Variants in USP34 observed in about 807,000 individuals in gnomAD.
USP34 encodes the protein ubiquitin specific peptidase 34, also known as ubiquitin carboxyl-terminal hydrolase 34.
USP34 carries 70 observed loss-of-function variants against 460.3 expected under a neutral mutation model. That is an observed-to-expected ratio of 0.15 (90% confidence interval 0.13 to 0.19). The LOEUF is 0.19. Among genes scored for constraint, USP34 ranks in the 10% least tolerant of loss-of-function variants. The pLI is 1.00. For missense variants in USP34, 3,985 were observed against 4,236.2 expected (o/e 0.94, Z 1.65); for synonymous variants, 1,647 against 1,405.3 (o/e 1.17, Z -3.85).
At chr2:61,336,455 A>G (rs998738261) in intron 18 of USP34, among the ~76,000 whole-genome samples, 2 of 151,626 alleles carry the variant, frequency 1.3e-5, no homozygotes, top group African/African-American at 4.8e-5. Context: ...TTTCCTACCT[A>G]TAAAAGAAGT....
At position 61,350,585 on chromosome 2, in the gene USP34, T is replaced by G. The variant is rs777486730; in HGVS notation, c.1360A>C (p.Ser454Arg). 6.2e-7 allele frequency: 1 copy of G among 1,612,240 alleles called. No individual in the cohort carries two copies. The highest frequency in any genetic ancestry group is 1.7e-5 in the Admixed American group (1 of 59,638). The stretch of plus-strand genomic sequence containing the variant: ...TGTATTACCTGTTCAGTATGAACAC[T>G]TGGCTCAAGAGCTGAGACCAGATTA... ...LLNLVSALEP[S>R]VHTEQTLYLA... is the part of the protein sequence containing the mutation. The change falls in exon 11 of 80, where the codon AGT (serine) becomes CGT (arginine). Residue 454 changes from serine (S) to arginine (R), a missense_variant. Around this residue, in one of 14 missense-constraint regions of USP34, gnomAD observed 716 missense variants for 626.2 expected, o/e 1.14. Transcript: ENST00000398571.
In USP34 at chr2:61,209,629, G is replaced by C. The variant is rs144177569; in HGVS notation, c.8841-652C>G. On this transcript the variant is annotated intron_variant, in intron 69 of 79. Transcript: ENST00000398571. Reference sequence around the variant, plus strand: ...TGTAAGTATACCACAATTATGTACAGTACCTAATACTTGATAATGTTAATA... The same window carrying C: ...TGTAAGTATACCACAATTATGTACACTACCTAATACTTGATAATGTTAATA... Among the ~76,000 whole-genome samples, 711 of 152,326 alleles carry C rather than the reference G, an allele frequency of 4.7e-3. 2 individuals carry two copies. The highest frequency in any genetic ancestry group is 6.4e-3 in the Non-Finnish European group (438 of 68,028).
chr2:61,442,499 T>C (rs1694994533), intron 1 of USP34, among the ~76,000 whole-genome samples: 3 of 149,906 alleles, frequency 2.0e-5, no homozygotes, highest in Admixed American at 6.6e-5. Context: ...CCAACAAATA[T>C]GTGAAAAAAA....
At chr2:61,319,421 A>G (rs925401409) in intron 21 of USP34, 94 bp from the exon 22 acceptor site, 3 of 830,220 alleles carry the variant, frequency 3.6e-6, no homozygotes, top group Admixed American at 7.7e-5. Context: ...GTCCTCACTT[A>G]ACACAGATAG....
intron 15 of USP34, among the ~76,000 whole-genome samples, chr2:61,347,311 G>A (rs559429388): frequency 1.3e-5 from 2 of 152,266 alleles, no homozygotes; most frequent in African/African-American, 4.8e-5. Flanking sequence ...TATTACATGT[G>A]TAAATGGCAT....
At chr2:61,429,157 G>C (rs1167455217) in intron 1 of USP34, among the ~76,000 whole-genome samples, 1 of 151,994 alleles carries the variant, frequency 6.6e-6, no homozygotes, top group Non-Finnish European at 1.5e-5. Context: ...TTTAAAATTA[G>C]CTAGGTTTGG....
chr2:61,458,187 G>C (rs1034676760), intron 1 of USP34, among the ~76,000 whole-genome samples: 3 of 152,062 alleles, frequency 2.0e-5, no homozygotes, highest in Admixed American at 2.0e-4. Flanking sequence ...TGAATAAAAA[G>C]AACCAGAGCT....
intron 41 of USP34, among the ~76,000 whole-genome samples, chr2:61,276,475 T>G (rs1259794017): frequency 6.6e-6 from 1 of 152,190 alleles, no homozygotes; most frequent in Non-Finnish European, 1.5e-5. Context: ...TCTATAAATA[T>G]GAATTTTATA....
At chr2:61,380,612 T>C (rs1372685795) in intron 6 of USP34, among the ~76,000 whole-genome samples, 2 of 152,292 alleles carry the variant, frequency 1.3e-5, no homozygotes, top group East Asian at 3.9e-4. Context: ...CCCATCATTA[T>C]ATGTACAAGA....
Position 61,236,401 on chromosome 2 carries a change from A to T in USP34, c.6778-12T>A. The T allele has an allele frequency of 6.3e-7, 1 of 1,576,114 alleles. No individual in the cohort carries two copies. Among genetic ancestry groups the T allele is most frequent in the Non-Finnish European group, 8.6e-7 (1 of 1,161,466 alleles). On this transcript the variant is annotated splice_polypyrimidine_tract_variant and intron_variant, in intron 53 of 79. Coordinates refer to ENST00000398571, the MANE Select transcript of USP34 (RefSeq NM_014709.4). ...TCATGCCAAATCCACTGAAAATAAA[A>T]ATGTTAACATTAGTGATAAAGCAGT...
intron 48 of USP34, among the ~76,000 whole-genome samples, chr2:61,256,033 A>G (rs937896917): frequency 1.3e-5 from 2 of 152,196 alleles, no homozygotes; most frequent in East Asian, 1.9e-4. Flanking sequence ...TTTCCCGAGG[A>G]TAAGGGGTTC....
intron 58 of USP34, 70 bp downstream of exon 58, chr2:61,232,382 A>C: frequency 7.8e-7 from 1 of 1,280,888 alleles, no homozygotes; most frequent in African/African-American, 1.5e-5. Context: ...ACTTATAAGC[A>C]AATTGAGAAT....
chr2:61,466,940 G>A (rs1000396603), intron 1 of USP34, among the ~76,000 whole-genome samples: 1 of 151,890 alleles, frequency 6.6e-6, no homozygotes, highest in Non-Finnish European at 1.5e-5. Context: ...CGTTTGCCCA[G>A]GTAGCCTTCT....
At chr2:61,209,793 T>C (rs1016502005) in intron 69 of USP34, among the ~76,000 whole-genome samples, 2 of 152,228 alleles carry the variant, frequency 1.3e-5, no homozygotes. Flanking sequence ...TCAGAGGAGA[T>C]GACAGCTCTA....
intron 10 of USP34, among the ~76,000 whole-genome samples, chr2:61,360,542 G>C (rs1219189339): frequency 6.6e-6 from 1 of 152,178 alleles, no homozygotes; most frequent in East Asian, 1.9e-4. Flanking sequence ...GGAAATTAAA[G>C]AAGAAACACA....
In USP34 at chr2:61,188,342, C is replaced by G. The variant is rs748104342; in HGVS notation, c.10401G>C (p.Glu3467Asp). The G allele has an allele frequency of 6.2e-7, 1 of 1,613,676 alleles. No homozygotes were observed. The highest frequency in any genetic ancestry group is 8.5e-7 in the Non-Finnish European group (1 of 1,180,040). ...KDSTLAEEESEFPSTSISAVL... is the reference protein window; with the variant it reads ...KDSTLAEEESDFPSTSISAVL... The stretch of plus-strand genomic sequence containing the variant: ...CTGCAGAGATAGAAGTAGAAGGGAA[C>G]TCAGATTCTTCCTCAGCTAGGGTAG... The change falls in exon 80 of 80, where the codon GAG becomes GAC. Residue 3467 changes from glutamate to aspartate, a missense_variant. This residue lies in a region of USP34 where 506 missense variants were observed against 439.0 expected (regional missense o/e 1.15). Transcript: ENST00000398571.
Position 61,234,263 on chromosome 2 carries a change from C to A in USP34, c.7032+1582G>T, listed in dbSNP as rs557548154. Among the ~76,000 whole-genome samples the A allele has an allele frequency of 7.2e-5, 11 of 152,316 alleles. 1 individual carries two copies. In the South Asian group the frequency reaches 1.7e-3, roughly 23 times the overall value. ...ATGCAAAAAACCTTTAACTATAATT[C>A]ATCTATTATATACCAGACTGCTATT... On this transcript the variant is annotated intron_variant, in intron 57 of 79. Coordinates refer to ENST00000398571, the MANE Select transcript of USP34 (RefSeq NM_014709.4).
intron 6 of USP34, 124 bp from the exon 7 acceptor site, chr2:61,380,485 G>T: frequency 1.0e-6 from 1 of 975,256 alleles, no homozygotes; most frequent in South Asian, 1.9e-5. Context: ...ACAAACCTCT[G>T]GTTTTCCTCT....
chr2:61,290,084 A>G (rs923521441), intron 33 of USP34, among the ~76,000 whole-genome samples: 3 of 152,170 alleles, frequency 2.0e-5, no homozygotes, highest in Non-Finnish European at 4.4e-5. Flanking sequence ...CACACAATCA[A>G]CAAACACACA....
Sources: gnomAD v4.1 joint callset for allele counts (sites outside exome capture counted in the v4.1 genomes callset) on GRCh38, gnomAD v4.1.1 for gene constraint, gnomAD v4.1.1 regional missense constraint, MANE v1.5 for transcripts, NCBI Gene and HGNC (gene_info 2026-07-23, HGNC 2026-07-21) for gene names.